Variants in PDCD6IP observed in about 807,000 individuals in gnomAD.
PDCD6IP encodes the protein programmed cell death 6-interacting protein.
In PDCD6IP, 43 loss-of-function variants were observed where a neutral mutation model predicts 103.7. The observed-to-expected ratio is 0.41, with a 90% CI of 0.32 to 0.53. The LOEUF is 0.53. Ranked by LOEUF, PDCD6IP falls within the 20% of genes least tolerant of loss-of-function variation. PDCD6IP has a pLI of 0.16. For synonymous variants in PDCD6IP, 354 were observed against 378.7 expected (o/e 0.93, Z 0.76); for missense variants, 871 against 1,036.7 (o/e 0.84, Z 2.20).
intron 6 of PDCD6IP, 182 bp downstream of exon 6, chr3:33,826,762 T>A: frequency 7.4e-7 from 1 of 1,355,130 alleles, no homozygotes; most frequent in Non-Finnish European, 9.5e-7. Context: ...AATTCTTTTA[T>A]GTTTAGGGGA....
At chr3:33,858,586 G>A (rs1253132884) in intron 15 of PDCD6IP, among the ~76,000 whole-genome samples, 15 of 152,092 alleles carry the variant, frequency 9.9e-5, no homozygotes, top group Non-Finnish European at 1.5e-4. Context: ...TGAGGCGGGC[G>A]GATCACGAGG....
At chr3:33,865,171 AT>A (rs1251244637) in intron 16 of PDCD6IP, 71 bp from the exon 17 acceptor site, 9 of 1,069,562 alleles carry the variant, frequency 8.4e-6, no homozygotes, top group Admixed American at 6.0e-5. Flanking sequence ...ATATGTCCTT[AT>A]TAATTTTAAT....
At chr3:33,838,556 AT>A (rs1319332278) in intron 9 of PDCD6IP, among the ~76,000 whole-genome samples, 1 of 146,680 alleles carries the variant, frequency 6.8e-6, no homozygotes, top group African/African-American at 2.5e-5. Context: ...AAAAATTTGT[AT>A]TTTAAGAGGT....
intron 8 of PDCD6IP, 52 bp from the exon 9 acceptor site, chr3:33,838,152 A>G (rs2125564012): frequency 6.6e-7 from 1 of 1,520,624 alleles, no homozygotes; most frequent in Non-Finnish European, 9.1e-7. Context: ...TCACTTTTAC[A>G]GTTCGGGTTT....
chr3:33,805,506 C>T (rs1471792877), intron 1 of PDCD6IP, among the ~76,000 whole-genome samples: 1 of 151,914 alleles, frequency 6.6e-6, no homozygotes, highest in Non-Finnish European at 1.5e-5. Flanking sequence ...GCCACAATAG[C>T]CTACTGCAGC....
intron 10 of PDCD6IP, among the ~76,000 whole-genome samples, chr3:33,843,822 T>G (rs1697528324): frequency 1.3e-5 from 2 of 152,016 alleles, no homozygotes; most frequent in Non-Finnish European, 2.9e-5. Context: ...TATTTTAATC[T>G]TAAAACTTTC....
At chr3:33,862,324 C>T (rs1179714177) in intron 15 of PDCD6IP, among the ~76,000 whole-genome samples, 6 of 150,996 alleles carry the variant, frequency 4.0e-5, no homozygotes, top group East Asian at 1.9e-4. Flanking sequence ...AGGTTGGATG[C>T]GGACAGTGTG....
At chr3:33,823,327 GA>G (rs1697037479) in intron 4 of PDCD6IP, among the ~76,000 whole-genome samples, 1 of 152,204 alleles carries the variant, frequency 6.6e-6, no homozygotes, top group Non-Finnish European at 1.5e-5. Context: ...TATGTTTAGG[GA>G]AGAGGTGAGT....
chr3:33,857,186 G>A (rs1259762875), intron 15 of PDCD6IP, among the ~76,000 whole-genome samples: 1 of 145,374 alleles, frequency 6.9e-6, no homozygotes, highest in Non-Finnish European at 1.5e-5. Flanking sequence ...TTTAAAAAAA[G>A]GTGATTTTTT....
intron 1 of PDCD6IP, among the ~76,000 whole-genome samples, chr3:33,811,814 AG>A (rs1696724779): frequency 6.6e-6 from 1 of 152,212 alleles, no homozygotes; most frequent in Non-Finnish European, 1.5e-5. Flanking sequence ...TGGTTTTCAG[AG>A]CAGATGTTAG....
chr3:33,850,540 A>C (rs1697691342), intron 12 of PDCD6IP, among the ~76,000 whole-genome samples: 1 of 151,926 alleles, frequency 6.6e-6, no homozygotes, highest in Admixed American at 6.6e-5. Flanking sequence ...CCCCACCCCA[A>C]ATTATGCATA....
intron 1 of PDCD6IP, 35 bp downstream of exon 1, chr3:33,798,972 C>G: frequency 6.8e-7 from 1 of 1,468,802 alleles, no homozygotes; most frequent in South Asian, 1.3e-5. Context: ...AGGTTGTCTG[C>G]CAGCCGTCGC....
chr3:33,832,620 A>T (rs1697266687), intron 7 of PDCD6IP, among the ~76,000 whole-genome samples: 1 of 152,124 alleles, frequency 6.6e-6, no homozygotes, highest in South Asian at 2.1e-4. Context: ...AGCCTTGTTT[A>T]CCTCACTGAT....
intron 12 of PDCD6IP, among the ~76,000 whole-genome samples, chr3:33,851,972 A>G (rs553467047): frequency 7.8e-4 from 118 of 152,108 alleles, no homozygotes; most frequent in Non-Finnish European, 1.3e-3. Flanking sequence ...TAGGATATCT[A>G]CTTACCTAGC....
At chr3:33,856,859 A>C (rs1293985036) in intron 15 of PDCD6IP, among the ~76,000 whole-genome samples, 2 of 152,166 alleles carry the variant, frequency 1.3e-5, no homozygotes, top group African/African-American at 2.4e-5. Flanking sequence ...CATATAGTAA[A>C]TACATGCTAA....
At position 33,867,558 on chromosome 3, in the gene PDCD6IP, A is replaced by G. The variant is rs1229116727; in HGVS notation, c.*1033A>G. The G allele has an allele frequency of 6.6e-5, 10 of 152,166 alleles. No homozygotes were observed. The highest frequency in any genetic ancestry group is 6.5e-4 in the Admixed American group (10 of 15,284). 9.4% of individuals were successfully genotyped at this position (152,166 alleles called of 1,614,324 possible). On this transcript the variant is annotated 3_prime_UTR_variant, in exon 18 of 18. Transcript: ENST00000307296. ...ATTTTTTTTCCTTAAAGATTGGAGT[A>G]TTTTATAATTCAAGGAGCATACAAA...
At position 33,798,845 on chromosome 3, in the gene PDCD6IP, C is replaced by T. The variant is rs1696394365; in HGVS notation, c.117C>T (p.Tyr39=). The change falls in exon 1 of 18, where the codon TAC becomes TAT. Residue 39 remains tyrosine (Y), a synonymous_variant. Transcript: ENST00000307296. ...GCGGCGGGGAAGAGCAGGCCCAGTA[C>T]TGCCGCGCGGCGGAGGAGCTCAGCA... ...YPSGGEEQAQ[Y]CRAAEELSKL... 3 of 1,555,626 alleles carry T rather than the reference C, an allele frequency of 1.9e-6. No individual in the cohort carries two copies. The highest frequency in any genetic ancestry group is 1.9e-5 in the Admixed American group (1 of 51,566).
At chr3:33,806,826 A>C (rs1014030676) in intron 1 of PDCD6IP, among the ~76,000 whole-genome samples, 1 of 152,212 alleles carries the variant, frequency 6.6e-6, no homozygotes, top group Non-Finnish European at 1.5e-5. Flanking sequence ...GGAGTAGCTT[A>C]TGGTAGTTGG....
chr3:33,826,219 A>T (rs1697120831), intron 5 of PDCD6IP, among the ~76,000 whole-genome samples: 1 of 152,128 alleles, frequency 6.6e-6, no homozygotes. Context: ...AGTTTTGATT[A>T]CCACTATCTT....
Sources: gnomAD v4.1 joint callset for allele counts (sites outside exome capture counted in the v4.1 genomes callset) on GRCh38, gnomAD v4.1.1 for gene constraint, MANE v1.5 for transcripts, NCBI Gene and HGNC (gene_info 2026-07-23, HGNC 2026-07-21) for gene names.